ANO6: variants seen among roughly 807,000 people sequenced by gnomAD.
The protein encoded by ANO6 is anoctamin-6.
ANO6 carries 106 observed loss-of-function variants against 117.5 expected under a neutral mutation model. That is an observed-to-expected ratio of 0.90 (90% CI 0.77 to 1.06). The LOEUF (loss-of-function observed/expected upper bound fraction) is 1.06. Ranked by LOEUF, ANO6 falls within the 50% of genes least tolerant of loss-of-function variation. The pLI is 0.00. For missense variants in ANO6, 955 were observed against 1,121.1 expected (o/e 0.85, Z 2.12); for synonymous variants, 367 against 385.1 (o/e 0.95, Z 0.55).
chr12:45,403,391 G>GGTAT (rs1942847251), intron 14 of ANO6, 48 bp from the exon 15 acceptor site: 1 of 1,552,100 alleles, frequency 6.4e-7, no homozygotes, highest in Admixed American at 1.7e-5. Flanking sequence ...TATATTTCAA[G>GGTAT]TTAGATCCAT....
At position 45,305,292 on chromosome 12, in the gene ANO6, G is replaced by A. The variant is rs551163648; in HGVS notation, c.150+3199G>A. 2.0e-4 allele frequency among the ~76,000 whole-genome samples: 31 copies of A among 152,254 alleles called. No individual in the cohort carries two copies. In the South Asian group the frequency reaches 6.0e-3, roughly 30 times the overall value. ...GAAAGTAACTTGATGATCTTGCTGT[G>A]GTGGAAAACTGTCCCAATCCTGGTT... On this transcript the variant is annotated intron_variant, in intron 2 of 19. Coordinates refer to ENST00000320560, the MANE Select transcript of ANO6 (RefSeq NM_001025356.3).
chr12:45,416,587 G>C, intron 16 of ANO6, 112 bp from the exon 17 acceptor site: 1 of 895,506 alleles, frequency 1.1e-6, no homozygotes, highest in Admixed American at 2.0e-5. Flanking sequence ...TACCACAGAT[G>C]TGTTTTCTCT....
chr12:45,421,158 TC>T lies in ANO6; in HGVS notation c.2307del (p.Tyr770ThrfsTer61). 6.2e-7 allele frequency: 1 copy of T among 1,613,930 alleles called. No individual in the cohort carries two copies. Among genetic ancestry groups the T allele is most frequent in the Non-Finnish European group, 8.5e-7 (1 of 1,179,940 alleles). ...FSVPPYGDHT[S>X]YTMEGYINNT... The stretch of plus-strand genomic sequence containing the variant: ...CGTCCCTCCCTACGGGGACCACACT[TC>T]CTACACCATGGAAGGGTACATCAAC... On this transcript the variant is annotated frameshift_variant, in exon 18 of 20. Coordinates refer to ENST00000320560, the MANE Select transcript of ANO6 (RefSeq NM_001025356.3). LOFTEE classifies it high-confidence loss of function.
At chr12:45,280,021 A>C (rs181491808) in intron 1 of ANO6, among the ~76,000 whole-genome samples, 40 of 152,348 alleles carry the variant, frequency 2.6e-4, no homozygotes, top group African/African-American at 9.6e-4. Context: ...GTTCAGCTCC[A>C]AAGCACACTT....
intron 2 of ANO6, among the ~76,000 whole-genome samples, chr12:45,320,245 T>G (rs150945979): frequency 0.044 from 6,710 of 152,248 alleles, 483 homozygotes; most frequent in African/African-American, 0.15. Context: ...TGCTTTCTCT[T>G]GTGGGCATTT....
chr12:45,377,989 C>A (rs1221825282), intron 9 of ANO6, 64 bp from the exon 10 acceptor site: 1 of 1,457,730 alleles, frequency 6.9e-7, no homozygotes, highest in Admixed American at 1.7e-5. Context: ...CAAAGCATTT[C>A]ATATTTACTG....
intron 8 of ANO6, among the ~76,000 whole-genome samples, chr12:45,362,432 C>A (rs1941579458): frequency 6.6e-6 from 1 of 151,962 alleles, no homozygotes; most frequent in Non-Finnish European, 1.5e-5. Flanking sequence ...TTTCAAAGAA[C>A]CAACTTTGTT....
intron 3 of ANO6, among the ~76,000 whole-genome samples, chr12:45,333,302 A>G (rs1391181942): frequency 6.6e-6 from 1 of 152,096 alleles, no homozygotes; most frequent in Non-Finnish European, 1.5e-5. Flanking sequence ...TCACTAAAGT[A>G]AAACAGCTTA....
At chr12:45,437,953 T>A (rs1033918382) in intron 19 of ANO6, among the ~76,000 whole-genome samples, 1 of 152,190 alleles carries the variant, frequency 6.6e-6, no homozygotes, top group African/African-American at 2.4e-5. Context: ...CATTTACATT[T>A]AAGTTGGCTA....
chr12:45,343,160 C>T (rs1045388050), intron 3 of ANO6, among the ~76,000 whole-genome samples: 2 of 152,074 alleles, frequency 1.3e-5, no homozygotes, highest in African/African-American at 4.8e-5. Context: ...AGGAGACAGC[C>T]CAACTGTGAT....
intron 1 of ANO6, among the ~76,000 whole-genome samples, chr12:45,257,916 G>GT (rs1490322840): frequency 6.6e-6 from 1 of 152,128 alleles, no homozygotes; most frequent in African/African-American, 2.4e-5. Context: ...AAACAATATA[G>GT]TAATGGGTTT....
chr12:45,226,991 T>C (rs1181378961), intron 1 of ANO6, among the ~76,000 whole-genome samples: 1 of 146,218 alleles, frequency 6.8e-6, no homozygotes, highest in African/African-American at 2.5e-5. Context: ...TTTCTTTTTT[T>C]TTTTTTTTTT....
Position 45,347,088 on chromosome 12 carries a change from G to A in ANO6, c.345+1G>A. The A allele has an allele frequency of 6.2e-7, 1 of 1,613,950 alleles. No homozygotes were observed. The highest frequency in any genetic ancestry group is 8.5e-7 in the Non-Finnish European group (1 of 1,179,906). On this transcript the variant is annotated splice_donor_variant, in intron 4 of 19. Transcript: ENST00000320560. LOFTEE classifies it high-confidence loss of function. ...CCTGCAGTTAGAAGCAACAAGATCA[G>A]TAAGTACTGGTCCCTTTTCAGCCCT...
intron 1 of ANO6, among the ~76,000 whole-genome samples, chr12:45,262,771 A>G (rs1002517671): frequency 6.6e-6 from 1 of 152,250 alleles, no homozygotes; most frequent in African/African-American, 2.4e-5. Context: ...AGAAGGCTTC[A>G]CAAACCACAT....
At chr12:45,402,574 G>A (rs1942821054) in intron 13 of ANO6, among the ~76,000 whole-genome samples, 1 of 152,202 alleles carries the variant, frequency 6.6e-6, no homozygotes, top group African/African-American at 2.4e-5. Flanking sequence ...CCTGCTCGGT[G>A]ATCATCTAAA....
intron 1 of ANO6, among the ~76,000 whole-genome samples, chr12:45,250,761 TAAAAAA>T (rs1237444756): frequency 3.4e-5 from 4 of 116,562 alleles, no homozygotes; most frequent in African/African-American, 1.3e-4. Flanking sequence ...TCTGGTTACT[TAAAAAA>T]AAAAAAAAAA....
chr12:45,429,549 G>C lies in ANO6; in HGVS notation c.*238G>C. 2 of 1,301,708 alleles carry C rather than the reference G, an allele frequency of 1.5e-6. No individual in the cohort carries two copies. The highest frequency in any genetic ancestry group is 2.0e-6 in the Non-Finnish European group (2 of 1,021,818). 80.6% of individuals were successfully genotyped at this position (1,301,708 alleles called of 1,614,324 possible). A position where few individuals can be genotyped will look rare whatever the true frequency, so the allele number is the denominator to read the frequency against. On this transcript the variant is annotated 3_prime_UTR_variant, in exon 20 of 20. Transcript: ENST00000320560. The stretch of plus-strand genomic sequence containing the variant: ...GAAAACCTCAATGTTACCTTTTTCT[G>C]ATAAATTGGAATTTTACAGAAAAAG...
intron 1 of ANO6, among the ~76,000 whole-genome samples, chr12:45,273,087 A>G (rs569472015): frequency 6.6e-6 from 1 of 152,330 alleles, no homozygotes; most frequent in South Asian, 2.1e-4. Context: ...CCTCACTTAC[A>G]TGTGAAATCT....
At chr12:45,252,077 G>C (rs191683672) in intron 1 of ANO6, among the ~76,000 whole-genome samples, 11 of 152,280 alleles carry the variant, frequency 7.2e-5, no homozygotes, top group Admixed American at 7.2e-4. Flanking sequence ...TAGAGTTTGA[G>C]AACATCTTCC....
Sources: gnomAD v4.1 joint callset for allele counts (sites outside exome capture counted in the v4.1 genomes callset) on GRCh38, gnomAD v4.1.1 for gene constraint, MANE v1.5 for transcripts, NCBI Gene and HGNC (gene_info 2026-07-23, HGNC 2026-07-21) for gene names.